SAP130: variants seen among roughly 807,000 people sequenced by gnomAD.
SAP130 encodes the protein Sin3A associated protein 130.
In SAP130, 16 loss-of-function variants were observed where a neutral mutation model predicts 103.2. That is an observed-to-expected ratio of 0.16 (90% CI 0.10 to 0.24). The LOEUF (loss-of-function observed/expected upper bound fraction) is 0.24, where lower values mean the gene tolerates loss of function less well. Among genes scored for constraint, SAP130 ranks in the 10% least tolerant of loss-of-function variants. The probability of loss-of-function intolerance (pLI) is 1.00; values close to 1 mark genes in which losing one functional copy is unlikely to be tolerated. For synonymous variants in SAP130, 477 were observed against 497.0 expected, an observed-to-expected ratio of 0.96 and a Z score of 0.53; for missense variants, 990 against 1,359.7, an observed-to-expected ratio of 0.73 and a Z score of 4.28.
Position 127,941,949 on chromosome 2 carries a change from C to G in SAP130, c.*57G>C. On this transcript the variant is annotated 3_prime_UTR_variant, in exon 21 of 21. Coordinates refer to ENST00000643581, the MANE Select transcript of SAP130 (RefSeq NM_001330301.2). ...CTTTGGAAAAAACCAAAACCCTCCC[C>G]CCACCCCCACCATCATTCTTCATAA... is the stretch of plus-strand genomic sequence containing the variant. 1 of 288,728 alleles carries G rather than the reference C, an allele frequency of 3.5e-6. No homozygotes were observed. Among genetic ancestry groups the G allele is most frequent in the Non-Finnish European group, 6.5e-6 (1 of 154,038 alleles). The allele number at this position is 288,728 out of a possible 1,614,324, so 17.9% of individuals were successfully genotyped here. A position where few individuals can be genotyped will look rare whatever the true frequency, so the allele number is the denominator to read the frequency against.
At chr2:127,997,635 C>G (rs967175816) in intron 10 of SAP130, among the ~76,000 whole-genome samples, 2 of 152,098 alleles carry the variant, frequency 1.3e-5, no homozygotes, top group African/African-American at 4.8e-5. Context: ...GGGAGGTAAG[C>G]AGTGGGGATG....
At chr2:127,993,115 C>A in intron 12 of SAP130, 72 bp downstream of exon 12, 1 of 1,539,704 alleles carries the variant, frequency 6.5e-7, no homozygotes, top group Non-Finnish European at 8.9e-7. Context: ...AAAAATAACC[C>A]CTCATCAATT....
At chr2:127,968,993 AACTT>A (rs1680879344) in intron 15 of SAP130, among the ~76,000 whole-genome samples, 2 of 152,202 alleles carry the variant, frequency 1.3e-5, no homozygotes, top group South Asian at 4.1e-4. Context: ...AACCTAAAAT[AACTT>A]ACTATTTATC....
At chr2:127,972,623 T>C (rs1040689909) in intron 15 of SAP130, among the ~76,000 whole-genome samples, 4 of 152,092 alleles carry the variant, frequency 2.6e-5, no homozygotes, top group African/African-American at 9.7e-5. Context: ...CCAGGTGTGA[T>C]GGTGGGTGCC....
At chr2:128,023,213 C>T (rs1685271794) in intron 2 of SAP130, among the ~76,000 whole-genome samples, 1 of 152,096 alleles carries the variant, frequency 6.6e-6, no homozygotes, top group South Asian at 2.1e-4. Context: ...AAGCTGGTCT[C>T]GAACTCCTGG....
Position 128,022,213 on chromosome 2 carries a change from G to C in SAP130, c.112+3968C>G, listed in dbSNP as rs148473602. 3.1e-4 allele frequency among the ~76,000 whole-genome samples: 47 copies of C among 152,288 alleles called. 1 individual carries two copies. In the South Asian group the frequency reaches 6.4e-3, roughly 21 times the overall value. ...ACATAACACAATCATACCATCTGTA[G>C]TCCTATGTATCTGGATTCTCTCCTT... On this transcript the variant is annotated intron_variant, in intron 2 of 20. Coordinates refer to ENST00000643581, the MANE Select transcript of SAP130 (RefSeq NM_001330301.2).
chr2:127,993,431 G>T, intron 11 of SAP130, 123 bp from the exon 12 acceptor site: 2 of 1,051,666 alleles, frequency 1.9e-6, no homozygotes, highest in Non-Finnish European at 2.6e-6. Flanking sequence ...CTCAAATTGT[G>T]TCCCAAACAA....
chr2:127,986,701 C>G lies in SAP130; in HGVS notation c.1958+84G>C. ...CAGAAAATGAGAGATGAGTTTGATA[C>G]CAGCATTAGATAAGAGTGCCTATTA... On this transcript the variant is annotated intron_variant, in intron 14 of 20. Transcript: ENST00000643581. The surrounding 1 kb of genome is among the most constrained non-coding windows in gnomAD (Gnocchi z 4.7). 1 of 1,371,124 alleles carries G rather than the reference C, an allele frequency of 7.3e-7. No homozygotes were observed. Among genetic ancestry groups the G allele is most frequent in the Non-Finnish European group, 1.0e-6 (1 of 992,972 alleles). 84.9% of individuals were successfully genotyped at this position (1,371,124 alleles called of 1,614,324 possible). A position where few individuals can be genotyped will look rare whatever the true frequency, so the allele number is the denominator to read the frequency against.
In SAP130 at chr2:127,996,227, G is replaced by T; in HGVS notation, c.1355+123C>A. 1 of 926,488 alleles carries T rather than the reference G, an allele frequency of 1.1e-6. No homozygotes were observed. The allele number at this position is 926,488 out of a possible 1,614,324, so 57.4% of individuals were successfully genotyped here. A position where few individuals can be genotyped will look rare whatever the true frequency, so the allele number is the denominator to read the frequency against. ...GAATTATACGAAGTGTTACTTTCAG[G>T]GGAAAATCTGAAAACATGAGTAATA... On this transcript the variant is annotated intron_variant, in intron 11 of 20. Coordinates refer to ENST00000643581, the MANE Select transcript of SAP130 (RefSeq NM_001330301.2). The surrounding 1 kb of genome is among the most constrained non-coding windows in gnomAD (Gnocchi z 4.3).
intron 12 of SAP130, among the ~76,000 whole-genome samples, chr2:127,990,938 C>CAAAAAAAA (rs36073149): frequency 8.4e-6 from 1 of 119,484 alleles, no homozygotes; most frequent in Non-Finnish European, 1.7e-5. Context: ...AAGACTGTCT[C>CAAAAAAAA]AAAAAAAAAA....
chr2:128,027,093 T>C (rs768828242), intron 1 of SAP130: 1 of 1,434,384 alleles, frequency 7.0e-7, no homozygotes, highest in African/African-American at 1.4e-5. Flanking sequence ...CCTCTTTACC[T>C]GTAGCCGCCG....
chr2:128,027,062 G>A, intron 1 of SAP130: 1 of 1,407,038 alleles, frequency 7.1e-7, no homozygotes, highest in Non-Finnish European at 9.4e-7. Context: ...CTGGGGACCC[G>A]ACCACAAGAC....
rs891211669 is a variant in SAP130, at chr2:127,946,740, G to A, written c.2798-1181C>T. On this transcript the variant is annotated intron_variant, in intron 18 of 20. Transcript: ENST00000643581. Reference sequence around the variant, plus strand: ...TCTACTAAAAATACAAAAAATTAGCGGGGTGTGGTGGTGGGCGCCTATAAT... The same window carrying A: ...TCTACTAAAAATACAAAAAATTAGCAGGGTGTGGTGGTGGGCGCCTATAAT... 2.6e-5 allele frequency among the ~76,000 whole-genome samples: 4 copies of A among 151,026 alleles called. No individual in the cohort carries two copies. The South Asian group carries it at 8.4e-4, about 32-fold the overall frequency.
intron 15 of SAP130, among the ~76,000 whole-genome samples, chr2:127,963,390 C>T (rs1284875490): frequency 3.9e-5 from 6 of 152,000 alleles, no homozygotes; most frequent in African/African-American, 9.7e-5. Context: ...CCACCATGCC[C>T]GGCTCATTTT....
chr2:127,945,388 G>A (rs1210756498), intron 19 of SAP130, 68 bp downstream of exon 19: 1 of 942,628 alleles, frequency 1.1e-6, no homozygotes, highest in Non-Finnish European at 1.7e-6. Flanking sequence ...AAAGTTCTAT[G>A]AACTCAGCTA....
At chr2:127,984,235 G>A (rs917997412) in intron 14 of SAP130, among the ~76,000 whole-genome samples, 1 of 152,112 alleles carries the variant, frequency 6.6e-6, no homozygotes, top group Non-Finnish European at 1.5e-5. Context: ...GCATAGCACT[G>A]TGTTACTGTT....
rs1477408853 is a variant in SAP130 at position 127,989,265 on chromosome 2, A to T, written c.1780+299T>A. ...AGGCCCCCGCCACCACGCCTGGCTAATTTTTTTGTATTTTTAGTAGACAGG... is the reference window on the plus strand; with the variant it reads ...AGGCCCCCGCCACCACGCCTGGCTATTTTTTTTGTATTTTTAGTAGACAGG... On this transcript the variant is annotated intron_variant, in intron 13 of 20. Coordinates refer to ENST00000643581, the MANE Select transcript of SAP130 (RefSeq NM_001330301.2). This position sits in a 1 kb window ranked among gnomAD's most constrained non-coding sequence, Gnocchi z 4.6. 6.6e-6 allele frequency among the ~76,000 whole-genome samples: 1 copy of T among 151,556 alleles called. No homozygotes were observed. The highest frequency in any genetic ancestry group is 1.5e-5 in the Non-Finnish European group (1 of 67,880).
chr2:128,014,061 A>G (rs1040089064), intron 5 of SAP130, among the ~76,000 whole-genome samples: 1 of 152,206 alleles, frequency 6.6e-6, no homozygotes, highest in African/African-American at 2.4e-5. Context: ...GACCATGTTG[A>G]GATTATCAAA....
rs1679630426 is a variant in SAP130 at position 127,953,546 on chromosome 2, G to C, written c.2422+1440C>G. On this transcript the variant is annotated intron_variant, in intron 16 of 20. Coordinates refer to ENST00000643581, the MANE Select transcript of SAP130 (RefSeq NM_001330301.2). This position sits in a 1 kb window ranked among gnomAD's most constrained non-coding sequence, Gnocchi z 4.0. Reference sequence around the variant, plus strand: ...AAAGCCAAAACCTTTACAACAGCCTGTGGGCCCTGTTCTACCATGATCTGA... The same window carrying C: ...AAAGCCAAAACCTTTACAACAGCCTCTGGGCCCTGTTCTACCATGATCTGA... Among the ~76,000 whole-genome samples, 1 of 152,140 alleles carries C rather than the reference G, an allele frequency of 6.6e-6. No homozygotes were observed. Among genetic ancestry groups the C allele is most frequent in the African/African-American group, 2.4e-5 (1 of 41,420 alleles).
Sources: allele counts gnomAD v4.1 joint callset (sites outside exome capture counted in the v4.1 genomes callset), GRCh38; gene constraint gnomAD v4.1.1; non-coding constraint Gnocchi (gnomAD v3.1); transcripts MANE v1.5; gene names NCBI Gene and HGNC (gene_info 2026-07-23, HGNC 2026-07-21).